Variants in RAPH1 observed in about 807,000 individuals in gnomAD.
RAPH1 encodes ras-associated and pleckstrin homology domains-containing protein 1.
Under a neutral mutation model 88.1 loss-of-function variants are expected in RAPH1, and 18 were observed. The ratio of observed to expected loss-of-function variants is 0.20; its 90% CI spans 0.14 to 0.30. RAPH1 has a LOEUF of 0.30. Ranked by LOEUF, RAPH1 falls within the 10% of genes least tolerant of loss-of-function variation. The pLI, the probability that RAPH1 is intolerant of heterozygous loss-of-function variation, is 1.00. For synonymous variants in RAPH1, 587 were observed against 559.0 expected, an observed-to-expected ratio of 1.05 and a Z score of -0.71; for missense variants, 1,448 against 1,543.2, an observed-to-expected ratio of 0.94 and a Z score of 1.03.
In RAPH1 at chr2:203,506,748, A is replaced by ATATATATATC. The variant is rs1229289329; in HGVS notation, c.1-11405_1-11396dup. On this transcript the variant is annotated intron_variant, in intron 1 of 13. Transcript: ENST00000319170. ...TCCATATATAGATATATATCTATAT[A>ATATATATATC]TATATATATCTATATATATATCTAT... Among the ~76,000 whole-genome samples, 7 of 128,734 alleles carry ATATATATATC rather than the reference A, an allele frequency of 5.4e-5. 1 individual carries two copies. Among genetic ancestry groups the ATATATATATC allele is most frequent in the African/African-American group, 2.2e-4 (6 of 27,654 alleles). The allele number at this position is 128,734 out of a possible 152,430, so 84.5% of individuals were successfully genotyped here.
At position 203,489,564 on chromosome 2, in the gene RAPH1, A is replaced by G. The variant is rs766919616; in HGVS notation, c.732+20T>C. On this transcript the variant is annotated intron_variant, in intron 4 of 13. Coordinates refer to ENST00000319170, the MANE Select transcript of RAPH1 (RefSeq NM_213589.3). Reference sequence around the variant, plus strand: ...TTATTTTAATAACAAAATACCAGGGAAAAAGTTCCATTTATTTACCTCAGT... The same window carrying G: ...TTATTTTAATAACAAAATACCAGGGGAAAAGTTCCATTTATTTACCTCAGT... 4.0e-5 allele frequency: 58 copies of G among 1,438,776 alleles called. No homozygotes were observed. In the Middle Eastern group the frequency reaches 8.9e-4, roughly 22 times the overall value. The allele number at this position is 1,438,776 out of a possible 1,614,324, so 89.1% of individuals were successfully genotyped here.
At chr2:203,508,677 A>G (rs1450190088) in intron 1 of RAPH1, among the ~76,000 whole-genome samples, 1 of 152,204 alleles carries the variant, frequency 6.6e-6, no homozygotes, top group Non-Finnish European at 1.5e-5. Flanking sequence ...TCAACAGTAT[A>G]TCAAAATAAA....
chr2:203,504,984 G>T (rs1354353866), intron 1 of RAPH1, among the ~76,000 whole-genome samples: 2 of 152,026 alleles, frequency 1.3e-5, no homozygotes, highest in African/African-American at 2.4e-5. Context: ...GGATCTTATT[G>T]TTCATATCAC....
intron 1 of RAPH1, among the ~76,000 whole-genome samples, chr2:203,515,956 G>A (rs1689583500): frequency 6.6e-6 from 1 of 152,200 alleles, no homozygotes; most frequent in Admixed American, 6.5e-5. Flanking sequence ...GAAGAAATCA[G>A]TGAAGGTATA....
chr2:203,477,233 G>A, intron 4 of RAPH1: 2 of 1,057,262 alleles, frequency 1.9e-6, no homozygotes, highest in Non-Finnish European at 2.9e-6. Flanking sequence ...TGCAGGAAGA[G>A]AAAAAGATCA....
In RAPH1 at chr2:203,439,377, A is replaced by G. The variant is rs983354196; in HGVS notation, c.*60T>C. 5.8e-5 allele frequency: 87 copies of G among 1,492,924 alleles called. No homozygotes were observed. In the Admixed American group the frequency reaches 1.5e-3, roughly 26 times the overall value. 92.5% of individuals were successfully genotyped at this position (1,492,924 alleles called of 1,614,324 possible). A position where few individuals can be genotyped will look rare whatever the true frequency, so the allele number is the denominator to read the frequency against. ...CTCTGAACACCTGAATTCACAGATG[A>G]TCAGGTGAGCTGATTGTAGCAGTGA... On this transcript the variant is annotated 3_prime_UTR_variant, in exon 14 of 14. Coordinates refer to ENST00000319170, the MANE Select transcript of RAPH1 (RefSeq NM_213589.3).
chr2:203,523,526 T>C, intron 1 of RAPH1, among the ~76,000 whole-genome samples: 1 of 151,258 alleles, frequency 6.6e-6, no homozygotes, highest in East Asian at 1.9e-4. Flanking sequence ...TAATTCAAAA[T>C]GGATTGTAGA....
At chr2:203,509,546 T>C (rs1379200057) in intron 1 of RAPH1, among the ~76,000 whole-genome samples, 1 of 152,220 alleles carries the variant, frequency 6.6e-6, no homozygotes, top group African/African-American at 2.4e-5. Flanking sequence ...CTTTTGTTAC[T>C]GTCAGAACAA....
chr2:203,500,246 A>C, intron 1 of RAPH1, among the ~76,000 whole-genome samples: 1 of 152,216 alleles, frequency 6.6e-6, no homozygotes, highest in South Asian at 2.1e-4. Flanking sequence ...AAGATAGGAA[A>C]GTGGTGATGC....
chr2:203,470,097 T>C, intron 4 of RAPH1: 1 of 536,700 alleles, frequency 1.9e-6, no homozygotes. Flanking sequence ...CAGTAAATAA[T>C]TACCATCTGT....
chr2:203,508,653 GTGT>G (rs1689198314), intron 1 of RAPH1, among the ~76,000 whole-genome samples: 1 of 152,130 alleles, frequency 6.6e-6, no homozygotes, highest in Non-Finnish European at 1.5e-5. Context: ...GTGCAAACCT[GTGT>G]TGTTCAAGTG....
intron 1 of RAPH1, among the ~76,000 whole-genome samples, chr2:203,508,510 G>C (rs1430269315): frequency 6.6e-6 from 1 of 152,090 alleles, no homozygotes; most frequent in Admixed American, 6.6e-5. Flanking sequence ...AGGGGGACTG[G>C]TTCCAGGACC....
chr2:203,506,826 A>ATATATC (rs1186383818), intron 1 of RAPH1, among the ~76,000 whole-genome samples: 6 of 24,218 alleles, frequency 2.5e-4, no homozygotes, highest in Admixed American at 1.2e-3. Context: ...ATATCTATAT[A>ATATATC]TATATCTATA....
At chr2:203,457,710 A>C in intron 7 of RAPH1, 115 bp from the exon 8 acceptor site, 1 of 798,462 alleles carries the variant, frequency 1.3e-6, no homozygotes, top group Non-Finnish European at 2.1e-6. Flanking sequence ...TTCTAGAGAA[A>C]TAGCAACTCT....
intron 1 of RAPH1, among the ~76,000 whole-genome samples, chr2:203,504,709 C>G (rs1688902205): frequency 6.6e-6 from 1 of 151,756 alleles, no homozygotes; most frequent in Non-Finnish European, 1.5e-5. Flanking sequence ...ACTGCATCAT[C>G]AGGCAGAAAA....
At chr2:203,469,804 G>A (rs1393101684) in intron 4 of RAPH1, among the ~76,000 whole-genome samples, 1 of 152,180 alleles carries the variant, frequency 6.6e-6, no homozygotes, top group Non-Finnish European at 1.5e-5. Context: ...TATTAACTAA[G>A]ATTCTGTTTA....
chr2:203,446,567 TCTC>T (rs1180874020), intron 12 of RAPH1: 1 of 152,218 alleles, frequency 6.6e-6, no homozygotes, highest in Non-Finnish European at 1.5e-5. Context: ...AGGACAGTTC[TCTC>T]CTCTTCCCCA....
chr2:203,494,290 A>C (rs1027960914), intron 2 of RAPH1, among the ~76,000 whole-genome samples: 1 of 152,146 alleles, frequency 6.6e-6, no homozygotes, highest in Non-Finnish European at 1.5e-5. Flanking sequence ...CATGAAGTTA[A>C]ATTTATTTAA....
chr2:203,527,536 T>C (rs960925697), intron 1 of RAPH1, among the ~76,000 whole-genome samples: 1 of 152,090 alleles, frequency 6.6e-6, no homozygotes, highest in Non-Finnish European at 1.5e-5. Flanking sequence ...TGGTAGCTCA[T>C]GCCTGTAACC....
Sources: gnomAD v4.1 joint callset for allele counts (sites outside exome capture counted in the v4.1 genomes callset) on GRCh38, gnomAD v4.1.1 for gene constraint, MANE v1.5 for transcripts, NCBI Gene and HGNC (gene_info 2026-07-23, HGNC 2026-07-21) for gene names.